SLC35A1: variants seen among roughly 807,000 people sequenced by gnomAD.
The protein encoded by SLC35A1 is solute carrier family 35 member A1, also known as CMP-sialic acid transporter.
A neutral mutation model predicts 40.3 loss-of-function variants in SLC35A1; 21 were observed. That is an observed-to-expected ratio of 0.52 (90% confidence interval 0.37 to 0.75). The LOEUF (loss-of-function observed/expected upper bound fraction) is 0.75. SLC35A1 is among the 30% of genes least tolerant of loss of function. The pLI is 0.00. For synonymous variants in SLC35A1, 146 were observed against 147.3 expected (o/e 0.99, Z 0.06); for missense variants, 297 against 382.1 (o/e 0.78, Z 1.86).
rs1770275916 is a variant in SLC35A1, at chr6:87,511,566, T to C, written c.*40T>C. 6.2e-7 allele frequency: 1 copy of C among 1,607,582 alleles called. No homozygotes were observed. Among genetic ancestry groups the C allele is most frequent in the Non-Finnish European group, 8.5e-7 (1 of 1,174,438 alleles). On this transcript the variant is annotated 3_prime_UTR_variant, in exon 8 of 8. Transcript: ENST00000369552. ...GAGACTCCTTTTAAGACTAAACCATTTGCATTAAACTAGAGCCTTAAGTCA... is the reference window on the plus strand; with the variant it reads ...GAGACTCCTTTTAAGACTAAACCATCTGCATTAAACTAGAGCCTTAAGTCA...
At chr6:87,508,323 T>G (rs1238060324) in intron 5 of SLC35A1, 97 bp from the exon 6 acceptor site, 1 of 813,766 alleles carries the variant, frequency 1.2e-6, no homozygotes, top group Admixed American at 2.5e-5. Context: ...CCCCAAATCA[T>G]ATACTTTATA....
chr6:87,484,822 G>A (rs1226231848), intron 2 of SLC35A1, among the ~76,000 whole-genome samples: 4 of 152,144 alleles, frequency 2.6e-5, no homozygotes, highest in East Asian at 1.9e-4. Context: ...AGAATTGAAC[G>A]TACTGACATG....
chr6:87,492,907 A>G (rs996533047), intron 2 of SLC35A1, among the ~76,000 whole-genome samples: 5 of 152,208 alleles, frequency 3.3e-5, no homozygotes, highest in South Asian at 2.1e-4. Flanking sequence ...TAAAGTTACC[A>G]GTTTTCTCTT....
chr6:87,511,084 TA>T (rs530080998), intron 7 of SLC35A1, among the ~76,000 whole-genome samples: 55 of 151,968 alleles, frequency 3.6e-4, no homozygotes, highest in African/African-American at 1.2e-3. Context: ...TACTTACATT[TA>T]AAAAAAATTA....
intron 2 of SLC35A1, among the ~76,000 whole-genome samples, chr6:87,500,080 C>T (rs6903825): frequency 0.13 from 19,886 of 151,776 alleles, 1,441 homozygotes; most frequent in African/African-American, 0.19. Context: ...CCAGCCGGGG[C>T]GACACAACAA....
chr6:87,490,204 G>C (rs987529233), intron 2 of SLC35A1, among the ~76,000 whole-genome samples: 3 of 151,960 alleles, frequency 2.0e-5, no homozygotes, highest in Non-Finnish European at 4.4e-5. Context: ...ACTCTAGCTT[G>C]GGGGATAAAG....
At chr6:87,508,326 A>G in intron 5 of SLC35A1, 94 bp from the exon 6 acceptor site, 1 of 834,780 alleles carries the variant, frequency 1.2e-6, no homozygotes, top group South Asian at 1.6e-5. Flanking sequence ...CAAATCATAT[A>G]CTTTATATAT....
chr6:87,478,733 A>C (rs747626448), intron 2 of SLC35A1, among the ~76,000 whole-genome samples: 3 of 152,224 alleles, frequency 2.0e-5, no homozygotes, highest in Non-Finnish European at 4.4e-5. Flanking sequence ...TATGAAAAAT[A>C]TGTGTTATAA....
At chr6:87,492,878 C>T (rs1769594855) in intron 2 of SLC35A1, among the ~76,000 whole-genome samples, 1 of 152,040 alleles carries the variant, frequency 6.6e-6, no homozygotes, top group Non-Finnish European at 1.5e-5. Context: ...TAAGGTAGTG[C>T]CTGCTAGGTT....
chr6:87,482,050 C>T (rs951291447), intron 2 of SLC35A1, among the ~76,000 whole-genome samples: 1 of 152,094 alleles, frequency 6.6e-6, no homozygotes, highest in African/African-American at 2.4e-5. Context: ...ATTCAGGAGG[C>T]CTAATTACTT....
intron 2 of SLC35A1, among the ~76,000 whole-genome samples, chr6:87,498,329 G>A (rs989613946): frequency 2.6e-5 from 4 of 152,232 alleles, no homozygotes; most frequent in African/African-American, 9.6e-5. Context: ...ATGCTATCAT[G>A]ATACTAGAGA....
At chr6:87,494,219 G>A (rs1374455613) in intron 2 of SLC35A1, among the ~76,000 whole-genome samples, 1 of 151,860 alleles carries the variant, frequency 6.6e-6, no homozygotes, top group Admixed American at 6.6e-5. Flanking sequence ...TGGGCATTTG[G>A]GTTGTCTCCA....
rs763752596 is a variant in SLC35A1, at chr6:87,509,184, T to C, written c.886+9T>C. ...GTTTGGATTACAGATAAGTATGTCT[T>C]AGTTTGTGTTGAGTTTTTAACATGG... is the stretch of plus-strand genomic sequence containing the variant. On this transcript the variant is annotated intron_variant, in intron 7 of 7. Transcript: ENST00000369552. 2.5e-6 allele frequency: 4 copies of C among 1,614,068 alleles called. No individual in the cohort carries two copies. In the South Asian group the frequency reaches 3.3e-5, roughly 13 times the overall value.
At chr6:87,501,073 A>G in intron 3 of SLC35A1, 85 bp from the exon 4 acceptor site, 1 of 1,293,622 alleles carries the variant, frequency 7.7e-7, no homozygotes, top group Non-Finnish European at 1.1e-6. Flanking sequence ...TTTTATTGAT[A>G]ATTTTATCAA....
At chr6:87,489,758 T>G (rs1769491071) in intron 2 of SLC35A1, among the ~76,000 whole-genome samples, 1 of 151,652 alleles carries the variant, frequency 6.6e-6, no homozygotes, top group Admixed American at 6.6e-5. Flanking sequence ...GTCAGACTGG[T>G]CTTGAACTCC....
At chr6:87,483,955 A>C (rs752387309) in intron 2 of SLC35A1, among the ~76,000 whole-genome samples, 70 of 152,310 alleles carry the variant, frequency 4.6e-4, no homozygotes, top group Admixed American at 6.5e-4. Context: ...TCCATCCAGC[A>C]GTAGGACTTG....
chr6:87,478,449 G>A (rs1452257928), intron 2 of SLC35A1, among the ~76,000 whole-genome samples: 1 of 152,218 alleles, frequency 6.6e-6, no homozygotes, highest in Non-Finnish European at 1.5e-5. Flanking sequence ...CAGTTAAGAA[G>A]TCATACAGGT....
intron 4 of SLC35A1, among the ~76,000 whole-genome samples, chr6:87,503,984 C>G (rs1770000308): frequency 6.6e-6 from 1 of 152,182 alleles, no homozygotes; most frequent in South Asian, 2.1e-4. Flanking sequence ...CTAGCATTAT[C>G]TAAATGCTTT....
rs1430830709 is a variant in SLC35A1 at position 87,508,479 on chromosome 6, C to G, written c.634C>G (p.Gln212Glu). 13 of 1,611,106 alleles carry G rather than the reference C, an allele frequency of 8.1e-6. No homozygotes were observed. Among genetic ancestry groups the G allele is most frequent in the African/African-American group, 1.3e-5 (1 of 74,850 alleles). The change falls in exon 6 of 8, where the codon CAA (glutamine) becomes GAA (glutamate). Residue 212 changes from glutamine (Q) to glutamate (E), a missense_variant. Gln to Glu is a conservative substitution (Grantham distance 29). Transcript: ENST00000369552. ...TACTTCTCTTTGGGTGAGAAACATT[C>G]AAATGTATCTATCAGGGATTATTGT... ...SDTSLWVRNIQMYLSGIIVTL... is the reference protein window; with the variant it reads ...SDTSLWVRNIEMYLSGIIVTL...
Sources: gnomAD v4.1 joint callset for allele counts (sites outside exome capture counted in the v4.1 genomes callset) on GRCh38, gnomAD v4.1.1 for gene constraint, MANE v1.5 for transcripts, NCBI Gene and HGNC (gene_info 2026-07-23, HGNC 2026-07-21) for gene names.